The following CES5A variants were observed in gnomAD, a reference collection of about 807,000 sequenced individuals.
CES5A encodes carboxylesterase 5.
CES5A carries 67 observed loss-of-function variants against 62.9 expected under a neutral mutation model. The ratio of observed to expected loss-of-function variants is 1.07; its 90% CI spans 0.88 to 1.31. The LOEUF (loss-of-function observed/expected upper bound fraction) is 1.31. Ranked by LOEUF, CES5A falls within the 50% of genes most tolerant of loss-of-function variation. CES5A has a pLI of 0.00. For synonymous variants in CES5A, 296 were observed against 280.8 expected, an observed-to-expected ratio of 1.05 and a Z score of -0.54; for missense variants, 748 against 708.5, an observed-to-expected ratio of 1.06 and a Z score of -0.63.
At chr16:55,906,094 T>G (rs2034038057) in intron 1 of CES5A, among the ~76,000 whole-genome samples, 1 of 152,116 alleles carries the variant, frequency 6.6e-6, no homozygotes, top group Non-Finnish European at 1.5e-5. Context: ...CCCAGGGACC[T>G]GCAGCCTCAA....
chr16:55,923,570 G>A (rs1240709785), intron 1 of CES5A, among the ~76,000 whole-genome samples: 2 of 151,840 alleles, frequency 1.3e-5, no homozygotes, highest in African/African-American at 2.4e-5. Context: ...TAGCTTCACT[G>A]ATGAATTCTA....
At position 55,859,565 on chromosome 16, in the gene CES5A, A is replaced by C. The variant is rs757650080; in HGVS notation, c.1038T>G (p.Cys346Trp). The change falls in exon 8 of 13, where the codon TGT (cysteine) becomes TGG (tryptophan). Residue 346 changes from cysteine (C) to tryptophan (W), a missense_variant. Physicochemically the swap from Cys to Trp is radical, Grantham distance 215 (BLOSUM62 -2). Coordinates refer to ENST00000290567, the MANE Select transcript of CES5A (RefSeq NM_001143685.2). ...TTCTTACCATAGGCAGCAGGAAGCCACACTCGTGGTTATTGACTCCGATGA... is the reference window on the plus strand; with the variant it reads ...TTCTTACCATAGGCAGCAGGAAGCCCCACTCGTGGTTATTGACTCCGATGA... The part of the protein sequence containing the change: ...PSIIGVNNHE[C>W]GFLLPMKEAP... 3 of 1,613,088 alleles carry C rather than the reference A, an allele frequency of 1.9e-6. No individual in the cohort carries two copies. In the African/African-American group the frequency reaches 4.0e-5, roughly 22 times the overall value.
At chr16:55,855,046 C>A (rs1318433826) in intron 9 of CES5A, among the ~76,000 whole-genome samples, 5 of 152,208 alleles carry the variant, frequency 3.3e-5, no homozygotes, top group African/African-American at 1.2e-4. Context: ...CATCACCAGA[C>A]AAGCTCCATT....
chr16:55,884,381 C>A (rs912701800), intron 1 of CES5A, among the ~76,000 whole-genome samples: 29 of 152,226 alleles, frequency 1.9e-4, no homozygotes, highest in Admixed American at 2.0e-4. Context: ...ACAGGTCAAA[C>A]CCTCTTGTCT....
chr16:55,912,425 G>A (rs984822121), intron 1 of CES5A, among the ~76,000 whole-genome samples: 3 of 152,202 alleles, frequency 2.0e-5, no homozygotes, highest in East Asian at 3.9e-4. Context: ...GGGAGCATTC[G>A]AGGAAAAAAA....
At position 55,856,430 on chromosome 16, in the gene CES5A, T is replaced by A. The variant is rs1430925550; in HGVS notation, c.1072A>T (p.Ile358Phe). The stretch of plus-strand genomic sequence containing the variant: ...AGGGACTTGTTGGAGCCACTGAGGA[T>A]CTCAGGAGCCTCCTTCTGTGGAGAG... ...FLLPMKEAPE[I>F]LSGSNKSLAL... The change falls in exon 9 of 13, where the codon ATC becomes TTC. Residue 358 changes from isoleucine to phenylalanine, a missense_variant. Coordinates refer to ENST00000290567, the MANE Select transcript of CES5A (RefSeq NM_001143685.2). 1 of 1,614,050 alleles carries A rather than the reference T, an allele frequency of 6.2e-7. No individual in the cohort carries two copies. Among genetic ancestry groups the A allele is most frequent in the Non-Finnish European group, 8.5e-7 (1 of 1,179,968 alleles).
intron 6 of CES5A, among the ~76,000 whole-genome samples, chr16:55,861,959 A>G (rs192885589): frequency 1.2e-3 from 183 of 152,264 alleles, no homozygotes; most frequent in African/African-American, 4.2e-3. Flanking sequence ...GCAGGACTCC[A>G]GATCAGATTC....
intron 11 of CES5A, among the ~76,000 whole-genome samples, chr16:55,847,630 G>T (rs2033042780): frequency 6.6e-6 from 1 of 152,074 alleles, no homozygotes; most frequent in Non-Finnish European, 1.5e-5. Context: ...CAGGAGACTG[G>T]ACACGTATTC....
intron 1 of CES5A, among the ~76,000 whole-genome samples, chr16:55,896,071 G>A (rs990902117): frequency 6.6e-6 from 1 of 152,166 alleles, no homozygotes. Flanking sequence ...AAAGGAAAGA[G>A]GTTTAATTGA....
intron 1 of CES5A, among the ~76,000 whole-genome samples, chr16:55,952,456 T>C (rs532003230): frequency 1.3e-5 from 2 of 152,100 alleles, no homozygotes; most frequent in South Asian, 4.1e-4. Flanking sequence ...AAAAAATCAA[T>C]AGTATAGATC....
At chr16:55,921,653 A>C (rs1352431555) in intron 1 of CES5A, among the ~76,000 whole-genome samples, 1 of 149,620 alleles carries the variant, frequency 6.7e-6, no homozygotes, top group Non-Finnish European at 1.5e-5. Flanking sequence ...AAAAAAAAAA[A>C]CCATTGAAGT....
chr16:55,863,340 A>G lies in CES5A; in HGVS notation c.810+8T>C, dbSNP rs781690758. 7.0e-5 allele frequency: 96 copies of G among 1,371,636 alleles called. No homozygotes were observed. Among genetic ancestry groups the G allele is most frequent in the Admixed American group, 4.2e-4 (25 of 59,680 alleles). 85.0% of individuals were successfully genotyped at this position (1,371,636 alleles called of 1,614,324 possible). ...AGGAAGGTGGCAAGGTGTTAACAGTATACGTACGTCCTCACTCTTCTCATA... is the reference window on the plus strand; with the variant it reads ...AGGAAGGTGGCAAGGTGTTAACAGTGTACGTACGTCCTCACTCTTCTCATA... On this transcript the variant is annotated splice_region_variant and intron_variant, in intron 6 of 12. Coordinates refer to ENST00000290567, the MANE Select transcript of CES5A (RefSeq NM_001143685.2).
upstream of CES5A, chr16:55,875,481 C>T (rs1165591772): frequency 1.4e-5 from 11 of 773,676 alleles, no homozygotes; most frequent in African/African-American, 5.5e-5. Context: ...TTTGGACTTC[C>T]GGGATGGGGG....
chr16:55,859,669 G>C lies in CES5A; in HGVS notation c.934C>G (p.Arg312Gly), dbSNP rs145429759. The change falls in exon 8 of 13, where the codon CGA (arginine) becomes GGA (glycine). Residue 312 changes from arginine (R) to glycine (G), a missense_variant. Transcript: ENST00000290567. ...GGAAAGAAAGCACCATCAACCACTC[G>C]AGTGAAAGACTTTGTTTTCTGTAAT... The part of the protein sequence containing the change: ...TLSQKTKSFT[R>G]VVDGAFFPNE... 2.5e-6 allele frequency: 4 copies of C among 1,609,014 alleles called. No homozygotes were observed. Among genetic ancestry groups the C allele is most frequent in the Non-Finnish European group, 3.4e-6 (4 of 1,178,338 alleles).
At chr16:55,873,292 C>T (rs2033630457) in intron 2 of CES5A, among the ~76,000 whole-genome samples, 1 of 152,136 alleles carries the variant, frequency 6.6e-6, no homozygotes, top group African/African-American at 2.4e-5. Context: ...GAGACACATC[C>T]ACATGTTCAT....
intron 1 of CES5A, among the ~76,000 whole-genome samples, chr16:55,896,997 T>C (rs1485030341): frequency 1.3e-5 from 2 of 152,188 alleles, no homozygotes; most frequent in African/African-American, 2.4e-5. Flanking sequence ...AGATTTTCTG[T>C]CATTTGGGAA....
intron 4 of CES5A, 37 bp from the exon 5 acceptor site, chr16:55,866,153 C>T (rs1193792404): frequency 1.3e-5 from 21 of 1,587,320 alleles, no homozygotes; most frequent in Non-Finnish European, 1.8e-5. Context: ...TCTTGGTCAG[C>T]CATGGTGTGT....
chr16:55,946,634 T>G (rs558889116), intron 2 of CES5A, among the ~76,000 whole-genome samples: 5 of 152,272 alleles, frequency 3.3e-5, no homozygotes, highest in African/African-American at 1.2e-4. Context: ...GTGTGTACCT[T>G]GGGTTGAGTT....
At chr16:55,901,893 G>T (rs2033994130) in intron 1 of CES5A, among the ~76,000 whole-genome samples, 2 of 152,110 alleles carry the variant, frequency 1.3e-5, no homozygotes, top group South Asian at 4.1e-4. Context: ...CAGCTGTGCT[G>T]GGATTGTCTG....
Sources: allele counts gnomAD v4.1 joint callset (sites outside exome capture counted in the v4.1 genomes callset), GRCh38; gene constraint gnomAD v4.1.1; transcripts MANE v1.5; gene names NCBI Gene and HGNC (gene_info 2026-07-23, HGNC 2026-07-21).